NDC1: variants seen among roughly 807,000 people sequenced by gnomAD.
NDC1 encodes the protein NDC1 transmembrane nucleoporin.
In NDC1, 24 loss-of-function variants were observed where a neutral mutation model predicts 89.8. That is an observed-to-expected ratio of 0.27 (90% confidence interval 0.19 to 0.38). The LOEUF (loss-of-function observed/expected upper bound fraction) is 0.38, where lower values mean the gene tolerates loss of function less well. Among genes scored for constraint, NDC1 ranks in the 10% least tolerant of loss-of-function variants. The pLI is 1.00. For synonymous variants in NDC1, 296 were observed against 284.8 expected, an observed-to-expected ratio of 1.04 and a Z score of -0.39; for missense variants, 728 against 797.6, an observed-to-expected ratio of 0.91 and a Z score of 1.05.
intron 6 of NDC1, among the ~76,000 whole-genome samples, chr1:53,815,842 C>T (rs370413345): frequency 6.6e-6 from 1 of 152,102 alleles, no homozygotes; most frequent in Non-Finnish European, 1.5e-5. Flanking sequence ...AGAACTCAAA[C>T]CCTTTTAGAA....
At chr1:53,789,328 TTC>T (rs1647408929) in intron 14 of NDC1, 132 bp from the exon 15 acceptor site, 2 of 554,792 alleles carry the variant, frequency 3.6e-6, no homozygotes, top group Non-Finnish European at 6.5e-6. Context: ...TTAAAATAAA[TTC>T]TTTTATATTT....
At chr1:53,799,562 C>T (rs936258288) in intron 11 of NDC1, among the ~76,000 whole-genome samples, 1 of 152,142 alleles carries the variant, frequency 6.6e-6, no homozygotes, top group Non-Finnish European at 1.5e-5. Context: ...AGATTAGTTG[C>T]CAATGTTTAA....
chr1:53,830,905 A>G (rs1056871587), intron 3 of NDC1, among the ~76,000 whole-genome samples: 20 of 150,026 alleles, frequency 1.3e-4, no homozygotes, highest in Non-Finnish European at 2.5e-4. Context: ...CTATGATCCT[A>G]CCGCATCTGT....
chr1:53,825,419 C>T (rs1489154856), intron 5 of NDC1, among the ~76,000 whole-genome samples: 4 of 136,804 alleles, frequency 2.9e-5, no homozygotes, highest in African/African-American at 1.2e-4. Context: ...TGCGCCATTG[C>T]ACTCCAGCCT....
intron 14 of NDC1, among the ~76,000 whole-genome samples, 187 bp downstream of exon 14, chr1:53,793,042 A>G (rs1288896155): frequency 1.3e-5 from 2 of 152,236 alleles, no homozygotes; most frequent in African/African-American, 4.8e-5. Context: ...TTCAGAAGCC[A>G]CTGAAGTGAG....
In NDC1 at chr1:53,787,148, G is replaced by A. The variant is rs367642403; in HGVS notation, c.1800+10C>T. ...GACCTCTACCCCCTCCCAACCCACA[G>A]ATTTCTTACCTCTTGCAGTGTCAAC... On this transcript the variant is annotated intron_variant, in intron 16 of 17. Coordinates refer to ENST00000371429, the MANE Select transcript of NDC1 (RefSeq NM_018087.5). 1.9e-6 allele frequency: 3 copies of A among 1,546,526 alleles called. No homozygotes were observed. Among genetic ancestry groups the A allele is most frequent in the Admixed American group, 1.7e-5 (1 of 57,516 alleles).
At chr1:53,818,321 GTCCCAGCTACTTGGGAAGC>G (rs2100678540) in intron 6 of NDC1, among the ~76,000 whole-genome samples, 1 of 151,780 alleles carries the variant, frequency 6.6e-6, no homozygotes, top group Non-Finnish European at 1.5e-5. Context: ...CCTGGTAGTG[GTCCCAGCTACTTGGGAAGC>G]TGAGGCAGGA....
chr1:53,823,347 C>T (rs10489461), intron 5 of NDC1, among the ~76,000 whole-genome samples: 12,280 of 152,250 alleles, frequency 0.081, 659 homozygotes, highest in Non-Finnish European at 0.11. Context: ...AAAATCAATA[C>T]TCTGTCAAAG....
Position 53,767,867 on chromosome 1 carries a change from G to T in NDC1, c.*103C>A. 1 of 550,470 alleles carries T rather than the reference G, an allele frequency of 1.8e-6. No individual in the cohort carries two copies. The highest frequency in any genetic ancestry group is 3.1e-6 in the Non-Finnish European group (1 of 323,054). 34.1% of individuals were successfully genotyped at this position (550,470 alleles called of 1,614,324 possible). A position where few individuals can be genotyped will look rare whatever the true frequency, so the allele number is the denominator to read the frequency against. ...CAAAGCAACCACCACGACAAAGGAA[G>T]CATCTAATTAGTCCGTTTTCTTCTG... On this transcript the variant is annotated 3_prime_UTR_variant, in exon 18 of 18. Coordinates refer to ENST00000371429, the MANE Select transcript of NDC1 (RefSeq NM_018087.5).
chr1:53,836,077 A>G (rs1649223025), intron 1 of NDC1, among the ~76,000 whole-genome samples: 1 of 152,208 alleles, frequency 6.6e-6, no homozygotes, highest in South Asian at 2.1e-4. Context: ...ATATAGGAGG[A>G]AAATATTTAC....
chr1:53,793,083 G>A (rs1647575986), intron 14 of NDC1, 146 bp downstream of exon 14: 1 of 663,330 alleles, frequency 1.5e-6, no homozygotes, highest in Non-Finnish European at 2.7e-6. Flanking sequence ...TTGTTAAAAC[G>A]GAGGTTCAGT....
At chr1:53,772,200 G>T in intron 17 of NDC1, 129 bp downstream of exon 17, 1 of 809,334 alleles carries the variant, frequency 1.2e-6, no homozygotes, top group Non-Finnish European at 1.9e-6. Context: ...CAAGCTGTAA[G>T]TTTACAGTGA....
intron 11 of NDC1, among the ~76,000 whole-genome samples, chr1:53,797,528 T>C (rs1647759591): frequency 6.6e-6 from 1 of 152,266 alleles, no homozygotes; most frequent in Admixed American, 6.5e-5. Context: ...ATTTTAAGTA[T>C]TACTTGACTG....
chr1:53,778,292 C>CAT lies in NDC1; in HGVS notation c.1801-5804_1801-5803insAT, dbSNP rs1237680625. ...ACACACACACACACACACACACACA[C>CAT]ACACTGTCACATTTTTAAAATTAAT... On this transcript the variant is annotated intron_variant, in intron 16 of 17. Transcript: ENST00000371429. Among the ~76,000 whole-genome samples the CAT allele has an allele frequency of 3.3e-5, 5 of 151,888 alleles. No individual in the cohort carries two copies. In the East Asian group the frequency reaches 9.7e-4, roughly 29 times the overall value.
At chr1:53,800,546 C>T (rs1223283237) in intron 11 of NDC1, 147 bp downstream of exon 11, 7 of 727,344 alleles carry the variant, frequency 9.6e-6, no homozygotes, top group African/African-American at 5.4e-5. Context: ...AGGATGGTCT[C>T]GATCTCTTGA....
rs764153102 is a variant in NDC1, at chr1:53,787,125, C to T, written c.1800+33G>A. On this transcript the variant is annotated intron_variant, in intron 16 of 17. Coordinates refer to ENST00000371429, the MANE Select transcript of NDC1 (RefSeq NM_018087.5). ...AGCACTGGGTGGGAGGGGAAGATGACCTCTACCCCCTCCCAACCCACAGAT... is the reference window on the plus strand; with the variant it reads ...AGCACTGGGTGGGAGGGGAAGATGATCTCTACCCCCTCCCAACCCACAGAT... 56 of 1,184,184 alleles carry T rather than the reference C, an allele frequency of 4.7e-5. 2 individuals carry two copies. In the South Asian group the frequency reaches 7.2e-4, roughly 15 times the overall value. The allele number at this position is 1,184,184 out of a possible 1,614,324, so 73.4% of individuals were successfully genotyped here.
At chr1:53,772,222 G>T in intron 17 of NDC1, 107 bp downstream of exon 17, 1 of 941,980 alleles carries the variant, frequency 1.1e-6, no homozygotes, top group Non-Finnish European at 1.6e-6. Context: ...AATCATCAAG[G>T]TCCCAAAAGA....
At chr1:53,823,411 TA>T (rs1316999210) in intron 5 of NDC1, among the ~76,000 whole-genome samples, 1 of 152,240 alleles carries the variant, frequency 6.6e-6, no homozygotes. Context: ...GGATTAAGAA[TA>T]AATCTAACAT....
At chr1:53,802,884 A>T (rs144655741) in intron 10 of NDC1, among the ~76,000 whole-genome samples, 1 of 152,178 alleles carries the variant, frequency 6.6e-6, no homozygotes, top group African/African-American at 2.4e-5. Flanking sequence ...ATTTTTTTTT[A>T]AAAGGAGGCA....
Sources: gnomAD v4.1 joint callset for allele counts (sites outside exome capture counted in the v4.1 genomes callset) on GRCh38, gnomAD v4.1.1 for gene constraint, MANE v1.5 for transcripts, NCBI Gene and HGNC (gene_info 2026-07-23, HGNC 2026-07-21) for gene names.